The following ANKRD33 variants were observed in gnomAD, a reference collection of about 807,000 sequenced individuals.
ANKRD33 encodes photoreceptor ankyrin repeat protein.
Under a neutral mutation model 20.6 loss-of-function variants are expected in ANKRD33, and 20 were observed. The ratio of observed to expected loss-of-function variants is 0.97; its 90% CI spans 0.68 to 1.41. The LOEUF (loss-of-function observed/expected upper bound fraction) is 1.41, where lower values mean the gene tolerates loss of function less well. Among genes scored for constraint, ANKRD33 ranks in the 40% most tolerant of loss-of-function variants. The pLI is 0.00. For synonymous variants in ANKRD33, 246 were observed against 245.0 expected (o/e 1.00, Z -0.04); for missense variants, 545 against 579.6 (o/e 0.94, Z 0.61).
chr12:51,890,508 G>C, intron 4 of ANKRD33, 76 bp from the exon 5 acceptor site: 2 of 1,543,186 alleles, frequency 1.3e-6, no homozygotes, highest in African/African-American at 2.7e-5. Flanking sequence ...CATCAGTCTT[G>C]CTCCTAAAGA....
Position 51,888,345 on chromosome 12 carries a change from A to G in ANKRD33, c.145+14A>G. On this transcript the variant is annotated intron_variant, in intron 1 of 4. Transcript: ENST00000301190. ...TACGAACCCCAAGTAAGAAAAAACG[A>G]CGACCCTCTCTCCGTGAGTCTCACT... The G allele has an allele frequency of 1.2e-6, 2 of 1,613,870 alleles. No individual in the cohort carries two copies. The highest frequency in any genetic ancestry group is 1.7e-6 in the Non-Finnish European group (2 of 1,179,984).
chr12:51,889,848 AG>A (rs1722598450), intron 4 of ANKRD33: 1 of 299,692 alleles, frequency 3.3e-6, no homozygotes, highest in Non-Finnish European at 6.3e-6. Context: ...GGGCCTCACC[AG>A]TATTGTGAGG....
At position 51,890,692 on chromosome 12, in the gene ANKRD33, G is replaced by T. The variant is rs147364846; in HGVS notation, c.746G>T (p.Arg249Leu). 2 of 1,604,448 alleles carry T rather than the reference G, an allele frequency of 1.2e-6. No individual in the cohort carries two copies. Among genetic ancestry groups the T allele is most frequent in the South Asian group, 2.2e-5 (2 of 91,086 alleles). ...TGGAGGATTCGGCAGCTGCTGAGGC[G>T]GCCCCAAGTGGAGCAGCTTAGCCAG... ...TVWRIRQLLR[R>L]PQVEQLSQHY... Residue 249 changes from arginine (R) to leucine (L), a missense_variant, in exon 5 of 5, where the codon CGG (arginine) becomes CTG (leucine). Transcript: ENST00000301190.
rs766427201 is a variant in ANKRD33 at position 51,889,454 on chromosome 12, G to A, written c.609G>A (p.Ala203=). Residue 203 remains alanine, a synonymous_variant, in exon 4 of 5, where the codon GCG becomes GCA. Coordinates refer to ENST00000301190, the MANE Select transcript of ANKRD33 (RefSeq NM_182608.4). ...GCCGGGACCAGCGGGGGCTCACGGCGTTAATGAAGGCTGCCATGCGGAACC... is the reference window on the plus strand; with the variant it reads ...GCCGGGACCAGCGGGGGCTCACGGCATTAATGAAGGCTGCCATGCGGAACC... ...LERRDQRGLT[A]LMKAAMRNRC... is the part of the protein sequence containing the mutation. 16 of 1,613,934 alleles carry A rather than the reference G, an allele frequency of 9.9e-6. No homozygotes were observed. Among genetic ancestry groups the A allele is most frequent in the Admixed American group, 1.7e-5 (1 of 60,000 alleles).
intron 4 of ANKRD33, chr12:51,890,340 A>C (rs1940373096): frequency 5.2e-6 from 5 of 970,180 alleles, no homozygotes; most frequent in Admixed American, 2.0e-5. Flanking sequence ...GGAGATCCCT[A>C]TTCTGCCCTA....
At chr12:51,890,371 C>T in intron 4 of ANKRD33, 2 of 1,243,678 alleles carry the variant, frequency 1.6e-6, no homozygotes, top group Non-Finnish European at 2.3e-6. Context: ...CACAATAGGT[C>T]TCTCTGAAGT....
At chr12:51,888,951 G>A in intron 2 of ANKRD33, 116 bp from the exon 3 acceptor site, 2 of 1,583,646 alleles carry the variant, frequency 1.3e-6, no homozygotes, top group Non-Finnish European at 1.7e-6. Flanking sequence ...AATGGTTAAG[G>A]GCGGGTCTTC....
At position 51,891,585 on chromosome 12, in the gene ANKRD33, T is replaced by A; in HGVS notation, c.*280T>A. ...TCTACAGTGTATTCTAAAATAAGAC[T>A]AAGGAAGCTGTTTATATTCTGATAT... On this transcript the variant is annotated 3_prime_UTR_variant, in exon 5 of 5. Transcript: ENST00000301190. The A allele has an allele frequency of 2.2e-6, 1 of 463,222 alleles. No homozygotes were observed. 28.7% of individuals were successfully genotyped at this position (463,222 alleles called of 1,614,324 possible).
chr12:51,889,702 T>C, intron 4 of ANKRD33: 1 of 844,550 alleles, frequency 1.2e-6, no homozygotes, highest in Admixed American at 3.1e-5. Flanking sequence ...CTGCTATTGA[T>C]AGCTCAGACA....
chr12:51,888,627 C>G lies in ANKRD33; in HGVS notation c.205C>G (p.Leu69Val), dbSNP rs1194911311. The G allele has an allele frequency of 6.3e-7, 1 of 1,583,694 alleles. No homozygotes were observed. The highest frequency in any genetic ancestry group is 1.9e-5 in the Admixed American group (1 of 53,654). Residue 69 changes from leucine (L) to valine (V), a missense_variant, in exon 2 of 5, where the codon CTG becomes GTG. Coordinates refer to ENST00000301190, the MANE Select transcript of ANKRD33 (RefSeq NM_182608.4). ...LLVPCLEEEE[L>V]ALHRRRLDMS... is the part of the protein sequence containing the mutation. Reference sequence around the variant, plus strand: ...GGTTCCCTGCCTGGAAGAGGAAGAGCTGGCATTGCACAGGAGACGGCTGGA... The same window carrying G: ...GGTTCCCTGCCTGGAAGAGGAAGAGGTGGCATTGCACAGGAGACGGCTGGA...
rs1565584677 is a variant in ANKRD33, at chr12:51,890,626, C to A, written c.680C>A (p.Ala227Asp). The change falls in exon 5 of 5, where the codon GCC becomes GAC. Residue 227 changes from alanine (A) to aspartate (D), a missense_variant. Coordinates refer to ENST00000301190, the MANE Select transcript of ANKRD33 (RefSeq NM_182608.4). ...GTGGACCCTGTTCGGGGCAAGACGG[C>A]CCTGGAATGGGCAGTGCTGACCGAC... ...TAVDPVRGKTALEWAVLTDSF... is the reference protein window; with the variant it reads ...TAVDPVRGKTDLEWAVLTDSF... 1 of 1,610,302 alleles carries A rather than the reference C, an allele frequency of 6.2e-7. No homozygotes were observed.
chr12:51,890,755 TGGCCCA>T lies in ANKRD33; in HGVS notation c.830_835del (p.Ala277_Gln278del), dbSNP rs528277578. 6.8e-5 allele frequency: 109 copies of T among 1,604,668 alleles called. No homozygotes were observed. In the Admixed American group the frequency reaches 1.2e-3, roughly 17 times the overall value. ...GAGTGGCCGGCCTTGTCCGGGCTCG[TGGCCCA>T]GGCCCAGGCCCAGGCCCAGGTTGCC... On this transcript the variant is annotated inframe_deletion, in exon 5 of 5. Transcript: ENST00000301190.
At position 51,888,695 on chromosome 12, in the gene ANKRD33, C is replaced by G. The variant is rs770723715; in HGVS notation, c.273C>G (p.Thr91=). The G allele has an allele frequency of 3.1e-6, 5 of 1,613,380 alleles. No homozygotes were observed. The highest frequency in any genetic ancestry group is 1.1e-5 in the South Asian group (1 of 90,924). Residue 91 remains threonine (T), a synonymous_variant, in exon 2 of 5, where the codon ACC becomes ACG. Transcript: ENST00000301190. The part of the protein sequence containing the change: ...ALPCPGKETP[T]PGCRLGALYW... Reference sequence around the variant, plus strand: ...CCTGCCCGGGCAAGGAGACCCCCACCCCAGGCTGCAGGCTGGGGGCCCTGT... The same window carrying G: ...CCTGCCCGGGCAAGGAGACCCCCACGCCAGGCTGCAGGCTGGGGGCCCTGT...
chr12:51,888,902 T>A (rs1475136918), intron 2 of ANKRD33, 84 bp downstream of exon 2: 1 of 1,594,286 alleles, frequency 6.3e-7, no homozygotes, highest in Non-Finnish European at 8.5e-7. Flanking sequence ...CTGAGAGGGG[T>A]TCAGGGGCAA....
rs150583334 is a variant in ANKRD33 at position 51,889,441 on chromosome 12, G to A, written c.596G>A (p.Arg199Gln). The A allele has an allele frequency of 5.7e-3, 9,128 of 1,614,058 alleles. 42 individuals are homozygous for A. The highest frequency in any genetic ancestry group is 6.3e-3 in the Non-Finnish European group (7,471 of 1,180,020). Residue 199 changes from arginine to glutamine, a missense_variant, in exon 4 of 5, where the codon CGG (arginine) becomes CAG (glutamine). Coordinates refer to ENST00000301190, the MANE Select transcript of ANKRD33 (RefSeq NM_182608.4). ...CTGGACCTGGAACGCCGGGACCAGCGGGGGCTCACGGCGTTAATGAAGGCT... is the reference window on the plus strand; with the variant it reads ...CTGGACCTGGAACGCCGGGACCAGCAGGGGCTCACGGCGTTAATGAAGGCT... Reference protein sequence around the residue: ...VGLDLERRDQRGLTALMKAAM... With the variant: ...VGLDLERRDQQGLTALMKAAM...
Position 51,891,435 on chromosome 12 carries a change from A to G in ANKRD33, c.*130A>G, listed in dbSNP as rs1940427008. On this transcript the variant is annotated 3_prime_UTR_variant, in exon 5 of 5. Transcript: ENST00000301190. ...AAATCTGCTCTCAACCTATATATATACAAGGTCATTCATTCTAGCATTGTT... is the reference window on the plus strand; with the variant it reads ...AAATCTGCTCTCAACCTATATATATGCAAGGTCATTCATTCTAGCATTGTT... The G allele has an allele frequency of 2.9e-6, 4 of 1,375,092 alleles. No individual in the cohort carries two copies. Among genetic ancestry groups the G allele is most frequent in the African/African-American group, 2.9e-5 (2 of 68,538 alleles). 85.2% of individuals were successfully genotyped at this position (1,375,092 alleles called of 1,614,324 possible).
At chr12:51,888,848 G>A in intron 2 of ANKRD33, 30 bp downstream of exon 2, 1 of 1,609,838 alleles carries the variant, frequency 6.2e-7, no homozygotes, top group South Asian at 1.1e-5. Context: ...CAGAACAGCT[G>A]GGGGCATCTT....
chr12:51,890,439 C>G, intron 4 of ANKRD33, 145 bp from the exon 5 acceptor site: 1 of 1,529,832 alleles, frequency 6.5e-7, no homozygotes, highest in Non-Finnish European at 8.8e-7. Flanking sequence ...GGTTGCAACA[C>G]TGGCCTCCCT....
chr12:51,890,436 A>G (rs1793009290), intron 4 of ANKRD33, 148 bp from the exon 5 acceptor site: 1 of 1,528,740 alleles, frequency 6.5e-7, no homozygotes, highest in Non-Finnish European at 8.8e-7. Flanking sequence ...GGAGGTTGCA[A>G]CACTGGCCTC....
Sources: gnomAD v4.1 joint callset for allele counts on GRCh38, gnomAD v4.1.1 for gene constraint, MANE v1.5 for transcripts, NCBI Gene and HGNC (gene_info 2026-07-23, HGNC 2026-07-21) for gene names.